ESRRG: variants seen among roughly 807,000 people sequenced by gnomAD.
ESRRG encodes estrogen-related receptor gamma.
Under a neutral mutation model 44.0 loss-of-function variants are expected in ESRRG, and 13 were observed. The observed-to-expected ratio is 0.30, with a 90% confidence interval of 0.19 to 0.47. The LOEUF is 0.47. Among genes scored for constraint, ESRRG ranks in the 20% least tolerant of loss-of-function variants. The probability of loss-of-function intolerance (pLI) is 1.00; values close to 1 mark genes in which losing one functional copy is unlikely to be tolerated. For missense variants in ESRRG, 395 were observed against 580.6 expected (o/e 0.68, Z 3.29); for synonymous variants, 215 against 214.6 (o/e 1.00, Z -0.02).
At chr1:216,793,719 A>G (rs529717097) in intron 2 of ESRRG, among the ~76,000 whole-genome samples, 1 of 152,184 alleles carries the variant, frequency 6.6e-6, no homozygotes, top group Admixed American at 6.5e-5. Flanking sequence ...TTAATTTGTT[A>G]TGTGTCCTAA....
chr1:216,938,463 C>T (rs1193834542), intron 2 of ESRRG, among the ~76,000 whole-genome samples: 4 of 152,144 alleles, frequency 2.6e-5, no homozygotes, highest in Admixed American at 1.3e-4. Flanking sequence ...GAAGAGAGAA[C>T]GCCAAATTCA....
At chr1:216,522,155 G>C (rs920026088) in intron 5 of ESRRG, among the ~76,000 whole-genome samples, 1 of 150,670 alleles carries the variant, frequency 6.6e-6, no homozygotes, top group Admixed American at 6.6e-5. Flanking sequence ...GTGTATATGT[G>C]TGTGCATGTG....
At chr1:216,538,626 C>A (rs758615880) in intron 5 of ESRRG, among the ~76,000 whole-genome samples, 1 of 152,030 alleles carries the variant, frequency 6.6e-6, no homozygotes, top group Non-Finnish European at 1.5e-5. Flanking sequence ...GCAAATGCAT[C>A]CCCTAGTTTA....
chr1:216,531,043 A>ACAAAT (rs2049224055), intron 5 of ESRRG, among the ~76,000 whole-genome samples: 1 of 152,132 alleles, frequency 6.6e-6, no homozygotes, highest in Admixed American at 6.6e-5. Flanking sequence ...ACAAAACAAA[A>ACAAAT]CAGGAGGTCT....
rs924589569 is a variant in ESRRG, at chr1:216,696,209, A to G, written c.57-18718T>C. 3.9e-5 allele frequency among the ~76,000 whole-genome samples: 6 copies of G among 152,198 alleles called. No homozygotes were observed. In the East Asian group the frequency reaches 1.2e-3, roughly 29 times the overall value. On this transcript the variant is annotated intron_variant, in intron 1 of 6. Transcript: ENST00000408911. Reference sequence around the variant, plus strand: ...GATGAGTGTTATCTCCATTTTACAGATGAGGAAAGAAAGCTGTAGTTGAAC... The same window carrying G: ...GATGAGTGTTATCTCCATTTTACAGGTGAGGAAAGAAAGCTGTAGTTGAAC...
upstream of ESRRG, among the ~76,000 whole-genome samples, chr1:216,725,192 T>C (rs554428192): frequency 4.6e-5 from 7 of 152,262 alleles, no homozygotes; most frequent in South Asian, 4.1e-4. Flanking sequence ...ATCTAAGATA[T>C]AGGCCTAATT....
intron 1 of ESRRG, among the ~76,000 whole-genome samples, chr1:217,005,528 A>G (rs2077620804): frequency 6.6e-6 from 1 of 152,178 alleles, no homozygotes; most frequent in South Asian, 2.1e-4. Context: ...AATGCTAAAC[A>G]GATAGGACAA....
intron 1 of ESRRG, among the ~76,000 whole-genome samples, chr1:216,958,947 C>T (rs962782627): frequency 2.0e-5 from 3 of 152,156 alleles, no homozygotes; most frequent in Non-Finnish European, 4.4e-5. Context: ...ACCAGATCTC[C>T]AGCATTCCCT....
chr1:216,938,907 AG>A (rs2064647596), intron 2 of ESRRG, among the ~76,000 whole-genome samples: 1 of 152,246 alleles, frequency 6.6e-6, no homozygotes, highest in Non-Finnish European at 1.5e-5. Flanking sequence ...CAACTACAAC[AG>A]AATTCATGGA....
chr1:216,988,075 C>G (rs776380617), intron 1 of ESRRG, among the ~76,000 whole-genome samples: 5 of 152,076 alleles, frequency 3.3e-5, no homozygotes, highest in Admixed American at 6.6e-5. Flanking sequence ...CTATATGCCC[C>G]TGAATCTTTG....
At chr1:216,959,260 T>C (rs2068559808) in intron 1 of ESRRG, among the ~76,000 whole-genome samples, 1 of 152,100 alleles carries the variant, frequency 6.6e-6, no homozygotes, top group South Asian at 2.1e-4. Flanking sequence ...GAGGAATATA[T>C]ATTTGAACTC....
chr1:216,982,062 C>T (rs996517602), intron 1 of ESRRG, among the ~76,000 whole-genome samples: 2 of 152,190 alleles, frequency 1.3e-5, no homozygotes, highest in Non-Finnish European at 2.9e-5. Flanking sequence ...TATTTTTCTC[C>T]TCCTTCCTTC....
At chr1:217,025,276 G>T (rs370521948) in intron 1 of ESRRG, among the ~76,000 whole-genome samples, 2 of 152,032 alleles carry the variant, frequency 1.3e-5, no homozygotes, top group African/African-American at 4.8e-5. Flanking sequence ...TTTTGCCAGT[G>T]TCAGTCATTA....
chr1:217,032,069 G>A (rs369089542), intron 1 of ESRRG, among the ~76,000 whole-genome samples: 1 of 152,094 alleles, frequency 6.6e-6, no homozygotes, highest in South Asian at 2.1e-4. Flanking sequence ...ACTGTCCTGG[G>A]CAAACCAGAA....
rs1042821616 is a variant in ESRRG, at chr1:216,688,338, G to A, written c.57-10847C>T. Among the ~76,000 whole-genome samples, 9 of 152,148 alleles carry A rather than the reference G, an allele frequency of 5.9e-5. No individual in the cohort carries two copies. In the South Asian group the frequency reaches 1.0e-3, roughly 18 times the overall value. On this transcript the variant is annotated intron_variant, in intron 1 of 6. Coordinates refer to ENST00000408911, the MANE Select transcript of ESRRG (RefSeq NM_001438.4). ...ATTTATACCCGTCTATCAAGTGCAC[G>A]AACGAGAGACAGAGAGAACAGAGGC...
chr1:217,005,719 AC>A (rs1228894020), intron 1 of ESRRG, among the ~76,000 whole-genome samples: 2 of 152,122 alleles, frequency 1.3e-5, no homozygotes, highest in African/African-American at 4.8e-5. Context: ...GGTTCTTCTG[AC>A]CATTAGGAAA....
intron 2 of ESRRG, among the ~76,000 whole-genome samples, chr1:216,848,472 A>G (rs1320028155): frequency 2.0e-5 from 3 of 152,048 alleles, no homozygotes; most frequent in Non-Finnish European, 4.4e-5. Flanking sequence ...TTAAGCCCTA[A>G]GGGCTAGTTA....
chr1:216,853,196 G>C (rs1463167318), intron 2 of ESRRG, among the ~76,000 whole-genome samples: 1 of 152,140 alleles, frequency 6.6e-6, no homozygotes, highest in Non-Finnish European at 1.5e-5. Flanking sequence ...ACTCTGTAGA[G>C]CAGTGCATAT....
intron 1 of ESRRG, among the ~76,000 whole-genome samples, chr1:217,025,156 G>A (rs1431067493): frequency 1.3e-5 from 2 of 152,118 alleles, no homozygotes; most frequent in Non-Finnish European, 2.9e-5. Flanking sequence ...GCATCATCAG[G>A]TTAAAAAACG....
Sources: gnomAD v4.1 joint callset for allele counts (sites outside exome capture counted in the v4.1 genomes callset) on GRCh38, gnomAD v4.1.1 for gene constraint, MANE v1.5 for transcripts, NCBI Gene and HGNC (gene_info 2026-07-23, HGNC 2026-07-21) for gene names.